Variants in L3MBTL4 observed in about 807,000 individuals in gnomAD.
L3MBTL4 encodes lethal(3)malignant brain tumor-like protein 4.
In L3MBTL4, 70 loss-of-function variants were observed where a neutral mutation model predicts 84.5. That is an observed-to-expected ratio of 0.83 (90% CI 0.68 to 1.01). The LOEUF (loss-of-function observed/expected upper bound fraction) is 1.01. L3MBTL4 is among the 50% of genes least tolerant of loss of function. The probability of loss-of-function intolerance (pLI) is 0.00; values close to 1 mark genes in which losing one functional copy is unlikely to be tolerated. For missense variants in L3MBTL4, 715 were observed against 754.8 expected, an observed-to-expected ratio of 0.95 and a Z score of 0.62; for synonymous variants, 274 against 259.8, an observed-to-expected ratio of 1.05 and a Z score of -0.52.
At chr18:6,169,393 G>A (rs928633587) in intron 13 of L3MBTL4, among the ~76,000 whole-genome samples, 48 of 151,954 alleles carry the variant, frequency 3.2e-4, no homozygotes, top group Non-Finnish European at 1.5e-4. Context: ...TGTTTATTGC[G>A]GCACTATTCA....
intron 1 of L3MBTL4, among the ~76,000 whole-genome samples, chr18:6,354,762 T>C (rs1383963211): frequency 6.6e-6 from 1 of 152,098 alleles, no homozygotes; most frequent in Admixed American, 6.6e-5. Context: ...ATGGCTTTTA[T>C]CCAAAAGATG....
intron 13 of L3MBTL4, among the ~76,000 whole-genome samples, chr18:6,167,246 G>T (rs1474948528): frequency 6.6e-6 from 1 of 152,158 alleles, no homozygotes; most frequent in African/African-American, 2.4e-5. Context: ...TCTACCAGAG[G>T]TACAAGGAGG....
At chr18:6,145,274 G>A (rs1041823102) in intron 13 of L3MBTL4, among the ~76,000 whole-genome samples, 33 of 152,116 alleles carry the variant, frequency 2.2e-4, no homozygotes, top group African/African-American at 7.7e-4. Flanking sequence ...TCTGGGTGAT[G>A]TAAATGAAAA....
intron 16 of L3MBTL4, among the ~76,000 whole-genome samples, chr18:6,074,526 G>A (rs1244462513): frequency 6.6e-6 from 1 of 152,218 alleles, no homozygotes; most frequent in African/African-American, 2.4e-5. Flanking sequence ...CACTGATGAT[G>A]ATGAGAGCTG....
chr18:6,083,637 T>C (rs561422924), intron 15 of L3MBTL4, among the ~76,000 whole-genome samples: 1 of 152,362 alleles, frequency 6.6e-6, no homozygotes, highest in Non-Finnish European at 1.5e-5. Context: ...TCCAGGGATG[T>C]ACTACTGTTG....
intron 16 of L3MBTL4, among the ~76,000 whole-genome samples, chr18:5,986,186 T>C (rs1323298261): frequency 6.6e-6 from 1 of 152,256 alleles, no homozygotes; most frequent in Non-Finnish European, 1.5e-5. Context: ...CAAGTGAGCA[T>C]GTATGAATGA....
At chr18:5,976,715 A>T (rs2052951681) in intron 16 of L3MBTL4, among the ~76,000 whole-genome samples, 1 of 152,156 alleles carries the variant, frequency 6.6e-6, no homozygotes, top group African/African-American at 2.4e-5. Context: ...GATGCTCAAC[A>T]AATACCTGTT....
chr18:6,262,191 C>A (rs952311951), intron 5 of L3MBTL4, among the ~76,000 whole-genome samples: 15 of 152,166 alleles, frequency 9.9e-5, no homozygotes, highest in Non-Finnish European at 1.9e-4. Context: ...ACTCTGTTCT[C>A]CCCTCCCAAC....
At chr18:6,032,980 T>G (rs2055910866) in intron 16 of L3MBTL4, among the ~76,000 whole-genome samples, 1 of 152,222 alleles carries the variant, frequency 6.6e-6, no homozygotes, top group African/African-American at 2.4e-5. Context: ...CTTGTGCACT[T>G]AAGAAGACTG....
chr18:5,987,488 C>A (rs554746035), intron 16 of L3MBTL4, among the ~76,000 whole-genome samples: 3 of 152,342 alleles, frequency 2.0e-5, no homozygotes, highest in South Asian at 4.1e-4. Flanking sequence ...TATTTCAGTT[C>A]TTGCTACTTG....
At chr18:6,139,395 A>T (rs190971533) in intron 13 of L3MBTL4, among the ~76,000 whole-genome samples, 2 of 152,180 alleles carry the variant, frequency 1.3e-5, no homozygotes, top group Non-Finnish European at 2.9e-5. Flanking sequence ...GCATTCTGTC[A>T]AGCCCAAGAG....
intron 13 of L3MBTL4, among the ~76,000 whole-genome samples, chr18:6,161,933 A>G (rs1432955793): frequency 6.8e-6 from 1 of 146,894 alleles, no homozygotes; most frequent in Non-Finnish European, 1.5e-5. Context: ...TATATATAAA[A>G]TATATATATA....
chr18:6,205,391 AGT>A (rs1256758544), intron 12 of L3MBTL4, among the ~76,000 whole-genome samples: 1 of 152,208 alleles, frequency 6.6e-6, no homozygotes, highest in African/African-American at 2.4e-5. Context: ...AATGTAACAT[AGT>A]AAATTTGTGG....
chr18:6,395,744 T>C (rs1026550349), intron 1 of L3MBTL4: 8 of 152,180 alleles, frequency 5.3e-5, no homozygotes, highest in African/African-American at 1.4e-4. Flanking sequence ...AACAGCTAAA[T>C]ACATTACCAT....
intron 1 of L3MBTL4, among the ~76,000 whole-genome samples, chr18:6,318,930 T>C (rs1490695516): frequency 6.6e-6 from 1 of 152,056 alleles, no homozygotes; most frequent in African/African-American, 2.4e-5. Flanking sequence ...ATATTAAGTA[T>C]CTTCCAAGAC....
intron 16 of L3MBTL4, among the ~76,000 whole-genome samples, chr18:6,071,473 T>G (rs2057596120): frequency 6.7e-6 from 1 of 149,932 alleles, no homozygotes; most frequent in Admixed American, 6.7e-5. Context: ...AATCCTTCAA[T>G]TAAGAGACTC....
At chr18:6,136,116 A>G (rs2060020426) in intron 14 of L3MBTL4, among the ~76,000 whole-genome samples, 1 of 152,210 alleles carries the variant, frequency 6.6e-6, no homozygotes. Context: ...TCACTATCAC[A>G]AGAATAGCAC....
chr18:6,028,168 G>C (rs1217490370), intron 16 of L3MBTL4, among the ~76,000 whole-genome samples: 1 of 152,008 alleles, frequency 6.6e-6, no homozygotes, highest in Non-Finnish European at 1.5e-5. Flanking sequence ...TTATGGTTTT[G>C]GGTTTTACGT....
At chr18:6,409,796 T>G (rs1342236403) in intron 1 of L3MBTL4, among the ~76,000 whole-genome samples, 1 of 151,988 alleles carries the variant, frequency 6.6e-6, no homozygotes, top group Admixed American at 6.6e-5. Flanking sequence ...ATAACCTATT[T>G]CCCCTAGGGC....
Sources: allele counts gnomAD v4.1 joint callset (sites outside exome capture counted in the v4.1 genomes callset), GRCh38; gene constraint gnomAD v4.1.1; transcripts MANE v1.5; gene names NCBI Gene and HGNC (gene_info 2026-07-23, HGNC 2026-07-21).